Variants in CMKLR2 observed in about 807,000 individuals in gnomAD.
The protein encoded by CMKLR2 is chemerin chemokine-like receptor 2.
In CMKLR2, 18 loss-of-function variants were observed where a neutral mutation model predicts 23.0. The observed-to-expected ratio is 0.78, with a 90% CI of 0.54 to 1.16. CMKLR2 has a LOEUF of 1.16. Among genes scored for constraint, CMKLR2 ranks in the 50% most tolerant of loss-of-function variants. The pLI, the probability that CMKLR2 is intolerant of heterozygous loss-of-function variation, is 0.00. For synonymous variants in CMKLR2, 158 were observed against 158.9 expected (o/e 0.99, Z 0.05); for missense variants, 401 against 412.7 (o/e 0.97, Z 0.25).
chr2:206,216,881 T>C (rs1182030638), upstream of CMKLR2, among the ~76,000 whole-genome samples: 2 of 151,998 alleles, frequency 1.3e-5, no homozygotes, highest in African/African-American at 2.4e-5. Context: ...ATGAGAAAAA[T>C]TGGGGTTGCC....
intron 1 of CMKLR2, among the ~76,000 whole-genome samples, chr2:206,194,999 G>GC (rs1048018454): frequency 1.6e-4 from 25 of 151,806 alleles, no homozygotes; most frequent in African/African-American, 5.8e-4. Context: ...CTCGTGATCT[G>GC]CCCGCCTCAG....
chr2:206,206,739 G>A (rs1286852233), intron 1 of CMKLR2, among the ~76,000 whole-genome samples: 1 of 152,082 alleles, frequency 6.6e-6, no homozygotes, highest in African/African-American at 2.4e-5. Flanking sequence ...CAAACTGTAG[G>A]GCTCAATAGT....
chr2:206,185,046 G>T (rs1002635989), intron 1 of CMKLR2, among the ~76,000 whole-genome samples: 2 of 152,112 alleles, frequency 1.3e-5, no homozygotes, highest in Non-Finnish European at 2.9e-5. Flanking sequence ...GGAGTGCAGT[G>T]GCATGATCTC....
chr2:206,189,362 C>A (rs949516956), intron 1 of CMKLR2, among the ~76,000 whole-genome samples: 2 of 152,146 alleles, frequency 1.3e-5, no homozygotes, highest in African/African-American at 4.8e-5. Flanking sequence ...AGGCAGGGAG[C>A]GGTGGCTCAC....
intron 1 of CMKLR2, among the ~76,000 whole-genome samples, chr2:206,193,472 T>C (rs549774437): frequency 1.3e-5 from 2 of 152,248 alleles, no homozygotes; most frequent in African/African-American, 2.4e-5. Context: ...TTTGGAAACC[T>C]TGATGGCACA....
intron 1 of CMKLR2, among the ~76,000 whole-genome samples, chr2:206,193,846 G>C (rs1467052239): frequency 2.0e-5 from 3 of 152,164 alleles, no homozygotes; most frequent in Admixed American, 1.3e-4. Flanking sequence ...GAACATGGTG[G>C]AAATTTGTAC....
At chr2:206,205,603 C>T (rs1689284616) in intron 1 of CMKLR2, among the ~76,000 whole-genome samples, 2 of 151,764 alleles carry the variant, frequency 1.3e-5, no homozygotes, top group African/African-American at 4.8e-5. Flanking sequence ...AACTCCTGGG[C>T]TCAAGTGATC....
intron 1 of CMKLR2, among the ~76,000 whole-genome samples, chr2:206,179,583 C>A: frequency 6.6e-6 from 1 of 151,988 alleles, no homozygotes; most frequent in East Asian, 1.9e-4. Context: ...CCCACCTGGG[C>A]CTCCCAAAGT....
intron 1 of CMKLR2, among the ~76,000 whole-genome samples, chr2:206,205,265 T>C (rs1689268946): frequency 6.6e-6 from 1 of 152,238 alleles, no homozygotes; most frequent in South Asian, 2.1e-4. Context: ...TGTGTGCATA[T>C]TCTTGTAAAT....
At chr2:206,180,697 G>C (rs1368250843) in intron 1 of CMKLR2, among the ~76,000 whole-genome samples, 3 of 150,260 alleles carry the variant, frequency 2.0e-5, no homozygotes, top group African/African-American at 7.3e-5. Context: ...GCCTCCCAGA[G>C]TGCTGGAATT....
chr2:206,189,085 G>T (rs1688670031), intron 1 of CMKLR2, among the ~76,000 whole-genome samples: 1 of 152,210 alleles, frequency 6.6e-6, no homozygotes, highest in Non-Finnish European at 1.5e-5. Flanking sequence ...ATTTTGTTCT[G>T]TATTGTTGAG....
intron 1 of CMKLR2, among the ~76,000 whole-genome samples, chr2:206,207,728 C>CCTTTTTTT (rs1689382123): frequency 2.3e-5 from 1 of 43,582 alleles, no homozygotes; most frequent in African/African-American, 1.2e-4. Context: ...ACCTCAGGGC[C>CCTTTTTTT]TTTTTTTTTT....
At chr2:206,196,979 G>T (rs1352437455) in intron 1 of CMKLR2, among the ~76,000 whole-genome samples, 2 of 152,108 alleles carry the variant, frequency 1.3e-5, no homozygotes, top group Non-Finnish European at 2.9e-5. Context: ...CGTGATCTCG[G>T]CGCACTGCAA....
At chr2:206,181,356 G>A (rs1323802492) in intron 1 of CMKLR2, among the ~76,000 whole-genome samples, 1 of 151,582 alleles carries the variant, frequency 6.6e-6, no homozygotes, top group Non-Finnish European at 1.5e-5. Flanking sequence ...CACCATGCCT[G>A]GCCCTATTAT....
At chr2:206,217,714 G>C (rs1432663081), upstream of CMKLR2, 1 of 152,134 alleles carries the variant, frequency 6.6e-6, no homozygotes, top group African/African-American at 2.4e-5. Context: ...CAGATACAAA[G>C]CATTTTTAGG....
intron 1 of CMKLR2, among the ~76,000 whole-genome samples, chr2:206,200,141 C>T (rs536857886): frequency 4.6e-5 from 7 of 152,146 alleles, no homozygotes; most frequent in African/African-American, 1.4e-4. Context: ...AATGGTGGGT[C>T]GGCCGGACGC....
intron 1 of CMKLR2, among the ~76,000 whole-genome samples, chr2:206,210,480 C>CA (rs774037323): frequency 6.8e-6 from 1 of 146,158 alleles, no homozygotes. Flanking sequence ...TTTTTTGAGA[C>CA]AGAGTTTCAC....
intron 1 of CMKLR2, among the ~76,000 whole-genome samples, chr2:206,189,959 C>T (rs971340204): frequency 1.3e-5 from 2 of 152,016 alleles, no homozygotes; most frequent in South Asian, 2.1e-4. Flanking sequence ...GCTTGGAAGG[C>T]GTTGAGGCAC....
Position 206,191,837 on chromosome 2 carries a change from A to ATT in CMKLR2, c.-28-14564_-28-14563dup, listed in dbSNP as rs774926244. Among the ~76,000 whole-genome samples the ATT allele has an allele frequency of 5.0e-3, 593 of 119,214 alleles. 9 individuals are homozygous for ATT. The highest frequency in any genetic ancestry group is 0.017 in the Middle Eastern group (4 of 230). The allele number at this position is 119,214 out of a possible 152,430, so 78.2% of individuals were successfully genotyped here. ...AGGCATGTGCCACCATGCCCAACTA[A>ATT]TTTTTTTTTTTTTTTTTTTTTGATA... On this transcript the variant is annotated intron_variant, in intron 1 of 1. Coordinates refer to ENST00000621141, the MANE Select transcript of CMKLR2 (RefSeq NM_001389445.1).
Sources: allele counts gnomAD v4.1 joint callset (sites outside exome capture counted in the v4.1 genomes callset), GRCh38; gene constraint gnomAD v4.1.1; transcripts MANE v1.5; gene names NCBI Gene and HGNC (gene_info 2026-07-23, HGNC 2026-07-21).